EYS: variants seen among roughly 807,000 people sequenced by gnomAD.
The protein encoded by EYS is protein eyes shut homolog.
A neutral mutation model predicts 282.1 loss-of-function variants in EYS; 250 were observed. That is an observed-to-expected ratio of 0.89 (90% CI 0.80 to 0.98). EYS has a LOEUF of 0.98. Ranked by LOEUF, EYS falls within the 50% of genes least tolerant of loss-of-function variation. The pLI, the probability that EYS is intolerant of heterozygous loss-of-function variation, is 0.00. For missense variants in EYS, 4,016 were observed against 3,709.0 expected, an observed-to-expected ratio of 1.08 and a Z score of -2.15; for synonymous variants, 1,355 against 1,282.9, an observed-to-expected ratio of 1.06 and a Z score of -1.20.
chr6:64,941,631 C>T (rs1769093430), intron 15 of EYS, among the ~76,000 whole-genome samples: 1 of 152,008 alleles, frequency 6.6e-6, no homozygotes, highest in South Asian at 2.1e-4. Flanking sequence ...CTCTAGAATT[C>T]CCCAGTGTTT....
At chr6:64,026,482 C>T (rs1395861259) in intron 33 of EYS, among the ~76,000 whole-genome samples, 1 of 152,112 alleles carries the variant, frequency 6.6e-6, no homozygotes, top group Non-Finnish European at 1.5e-5. Context: ...GACTTGGCCC[C>T]AATATTCTCT....
At chr6:64,125,194 A>ATCTC (rs1562213634) in intron 31 of EYS, among the ~76,000 whole-genome samples, 3 of 146,004 alleles carry the variant, frequency 2.1e-5, no homozygotes, top group African/African-American at 8.0e-5. Flanking sequence ...CTCTCTCTCA[A>ATCTC]GGAGTAATGA....
chr6:64,570,630 A>T (rs1765694872), intron 26 of EYS, among the ~76,000 whole-genome samples: 1 of 152,184 alleles, frequency 6.6e-6, no homozygotes, highest in African/African-American at 2.4e-5. Context: ...AGGGATTGCA[A>T]TCCTAATCTC....
chr6:65,142,519 C>CACACAGAG (rs1035737634), intron 12 of EYS, among the ~76,000 whole-genome samples: 4 of 146,362 alleles, frequency 2.7e-5, no homozygotes, highest in African/African-American at 1.0e-4. Flanking sequence ...CACACACACA[C>CACACAGAG]AGAGTTCCAA....
At chr6:63,954,038 T>C (rs1314964704) in intron 35 of EYS, among the ~76,000 whole-genome samples, 1 of 152,192 alleles carries the variant, frequency 6.6e-6, no homozygotes, top group African/African-American at 2.4e-5. Context: ...GCTCCCTGGT[T>C]CATTTAGCCA....
chr6:65,211,773 G>T (rs537194769), intron 12 of EYS, among the ~76,000 whole-genome samples: 1 of 151,902 alleles, frequency 6.6e-6, no homozygotes, highest in East Asian at 1.9e-4. Context: ...CCAAACTTAG[G>T]ATTATTATTT....
intron 30 of EYS, among the ~76,000 whole-genome samples, chr6:64,285,708 C>T (rs1336880968): frequency 6.6e-6 from 1 of 152,148 alleles, no homozygotes; most frequent in African/African-American, 2.4e-5. Flanking sequence ...TTCCACATGG[C>T]TGGGGAGGCT....
intron 26 of EYS, among the ~76,000 whole-genome samples, chr6:64,467,321 G>A (rs1250541222): frequency 6.6e-6 from 1 of 152,102 alleles, no homozygotes; most frequent in Non-Finnish European, 1.5e-5. Flanking sequence ...GTTATATAAT[G>A]TCAGTAGGGC....
At chr6:64,945,462 G>A (rs551799990) in intron 15 of EYS, among the ~76,000 whole-genome samples, 63 of 152,216 alleles carry the variant, frequency 4.1e-4, no homozygotes, top group African/African-American at 1.5e-3. Flanking sequence ...TTTCTTGTCA[G>A]AGTGTGGTAG....
intron 30 of EYS, among the ~76,000 whole-genome samples, chr6:64,243,345 C>T (rs1370094002): frequency 6.6e-6 from 1 of 152,146 alleles, no homozygotes; most frequent in Non-Finnish European, 1.5e-5. Context: ...TGGCTTAACA[C>T]CACCAAAACT....
chr6:64,063,632 A>C lies in EYS; in HGVS notation c.6725+2706T>G, dbSNP rs1771257935. ...TACCTTTCAAACTTTGTTTTTCATT[A>C]CTAAGGCACCCTCTTCTGCTTCTCT... On this transcript the variant is annotated intron_variant, in intron 33 of 42. Coordinates refer to ENST00000503581, the MANE Select transcript of EYS (RefSeq NM_001142800.2). Among the ~76,000 whole-genome samples the C allele has an allele frequency of 1.3e-5, 2 of 152,168 alleles. 1 individual carries two copies. Among genetic ancestry groups the C allele is most frequent in the South Asian group, 4.1e-4 (2 of 4,834 alleles).
intron 36 of EYS, among the ~76,000 whole-genome samples, chr6:63,851,030 C>G (rs778512638): frequency 6.6e-5 from 10 of 152,260 alleles, no homozygotes; most frequent in East Asian, 1.9e-4. Flanking sequence ...CAATCCTAGT[C>G]TCTGATAAAA....
intron 26 of EYS, among the ~76,000 whole-genome samples, chr6:64,548,100 AG>A (rs1309237494): frequency 6.6e-6 from 1 of 152,168 alleles, no homozygotes; most frequent in Non-Finnish European, 1.5e-5. Flanking sequence ...CAGCCCAGGA[AG>A]GGGCTCCCAC....
chr6:64,411,321 A>T (rs1221539444), intron 28 of EYS, among the ~76,000 whole-genome samples: 1 of 152,114 alleles, frequency 6.6e-6, no homozygotes, highest in African/African-American at 2.4e-5. Context: ...AAACAGTAAC[A>T]AGCAGAACAC....
chr6:64,633,790 G>C (rs1486440769), intron 22 of EYS, among the ~76,000 whole-genome samples: 5 of 152,004 alleles, frequency 3.3e-5, no homozygotes, highest in Non-Finnish European at 7.4e-5. Flanking sequence ...AAAAGAACTG[G>C]AGCCTTGACC....
In EYS at chr6:64,047,822, G is replaced by T. The variant is rs567545227; in HGVS notation, c.6725+18516C>A. ...CGCATTGGTGGGAACTATCATTAAG[G>T]TGACCGTCCTCTGGCCAAGGGGTGG... On this transcript the variant is annotated intron_variant, in intron 33 of 42. Transcript: ENST00000503581. Among the ~76,000 whole-genome samples the T allele has an allele frequency of 5.3e-4, 81 of 152,290 alleles. 1 individual carries two copies. Among genetic ancestry groups the T allele is most frequent in the African/African-American group, 1.9e-3 (77 of 41,564 alleles).
chr6:64,674,445 C>A (rs1769580412), intron 22 of EYS, among the ~76,000 whole-genome samples: 1 of 151,920 alleles, frequency 6.6e-6, no homozygotes, highest in Admixed American at 6.6e-5. Flanking sequence ...AGGAAAAGTA[C>A]AATTACTGTC....
Position 65,418,670 on chromosome 6 carries a change from T to G in EYS, c.863-13303A>C, listed in dbSNP as rs150895904. The stretch of plus-strand genomic sequence containing the variant: ...ACATGTTTTCACTTATAAGTGGGAG[T>G]TGAACATTGAGAACACATGGAAACA... On this transcript the variant is annotated intron_variant, in intron 5 of 42. Transcript: ENST00000503581. 4.7e-3 allele frequency among the ~76,000 whole-genome samples: 706 copies of G among 151,606 alleles called. 6 individuals carry two copies. Among genetic ancestry groups the G allele is most frequent in the African/African-American group, 0.016 (672 of 41,362 alleles).
chr6:64,833,584 T>A (rs1765288518), intron 19 of EYS, among the ~76,000 whole-genome samples: 2 of 151,856 alleles, frequency 1.3e-5, no homozygotes, highest in Admixed American at 1.3e-4. Context: ...TATTATTACC[T>A]CTGAAGATAC....
Sources: gnomAD v4.1 joint callset for allele counts (sites outside exome capture counted in the v4.1 genomes callset) on GRCh38, gnomAD v4.1.1 for gene constraint, MANE v1.5 for transcripts, NCBI Gene and HGNC (gene_info 2026-07-23, HGNC 2026-07-21) for gene names.